The following FRAS1 variants were observed in gnomAD, a reference collection of about 807,000 sequenced individuals.
The protein encoded by FRAS1 is Fraser extracellular matrix complex subunit 1.
In FRAS1, 290 loss-of-function variants were observed where a neutral mutation model predicts 435.2. The ratio of observed to expected loss-of-function variants is 0.67; its 90% CI spans 0.61 to 0.73. The LOEUF is 0.73. Among genes scored for constraint, FRAS1 ranks in the 30% least tolerant of loss-of-function variants. The pLI, the probability that FRAS1 is intolerant of heterozygous loss-of-function variation, is 0.00. For synonymous variants in FRAS1, 1,800 were observed against 1,851.0 expected (o/e 0.97, Z 0.71); for missense variants, 4,860 against 5,001.5 (o/e 0.97, Z 0.85).
chr4:78,493,958 G>A (rs1720439724), intron 59 of FRAS1, among the ~76,000 whole-genome samples: 1 of 151,878 alleles, frequency 6.6e-6, no homozygotes, highest in African/African-American at 2.4e-5. Context: ...ATATCCCTTG[G>A]TTCAAGGCAC....
chr4:78,156,137 C>G (rs1370762229), intron 2 of FRAS1, among the ~76,000 whole-genome samples: 1 of 152,158 alleles, frequency 6.6e-6, no homozygotes, highest in Non-Finnish European at 1.5e-5. Flanking sequence ...TAATTGTCCA[C>G]TGACAGTATT....
intron 37 of FRAS1, among the ~76,000 whole-genome samples, chr4:78,431,306 A>G (rs2035511): frequency 0.76 from 114,961 of 152,118 alleles, 43,998 homozygotes; most frequent in African/African-American, 0.85. Flanking sequence ...CATTCCCAGG[A>G]GACTACTTTA....
At chr4:78,438,419 G>A in intron 38 of FRAS1, 151 bp from the exon 39 acceptor site, 2 of 754,834 alleles carry the variant, frequency 2.6e-6, no homozygotes, top group Admixed American at 6.6e-5. Context: ...TTTTATTGTA[G>A]TTTGAAATAC....
intron 32 of FRAS1, among the ~76,000 whole-genome samples, chr4:78,418,228 G>A (rs1342793331): frequency 2.0e-5 from 3 of 152,182 alleles, no homozygotes; most frequent in Non-Finnish European, 4.4e-5. Context: ...TGGAGAAAAA[G>A]GGAAATACTG....
intron 47 of FRAS1, among the ~76,000 whole-genome samples, chr4:78,458,491 T>C (rs750855865): frequency 1.7e-4 from 26 of 152,204 alleles, no homozygotes; most frequent in Non-Finnish European, 3.1e-4. Flanking sequence ...TGCTCACTTA[T>C]AAGTGAGAAC....
Position 78,374,052 on chromosome 4 carries a change from A to G in FRAS1, c.3011-59A>G, listed in dbSNP as rs1731616478. ...GACATCTCATGCTGCCTTTCCACAA[A>G]GGCCTGGAGCCCCTGGAAAGCCACA... On this transcript the variant is annotated intron_variant, in intron 24 of 73. Coordinates refer to ENST00000512123, the MANE Select transcript of FRAS1 (RefSeq NM_025074.7). The G allele has an allele frequency of 3.4e-6, 5 of 1,478,334 alleles. No homozygotes were observed. The South Asian group carries it at 7.5e-5, about 22-fold the overall frequency. The allele number at this position is 1,478,334 out of a possible 1,614,324, so 91.6% of individuals were successfully genotyped here.
At chr4:78,364,568 T>C (rs1731192900) in intron 22 of FRAS1, among the ~76,000 whole-genome samples, 1 of 152,216 alleles carries the variant, frequency 6.6e-6, no homozygotes, top group Admixed American at 6.5e-5. Flanking sequence ...TGGACTTGTA[T>C]GGGAGTTACT....
chr4:78,253,554 G>T (rs1317829541), intron 5 of FRAS1, among the ~76,000 whole-genome samples: 9 of 152,034 alleles, frequency 5.9e-5, no homozygotes, highest in Admixed American at 5.2e-4. Context: ...CTCCGTTTGG[G>T]GTCCCTGACT....
chr4:78,221,806 T>C (rs767832255), intron 2 of FRAS1, among the ~76,000 whole-genome samples: 8 of 152,150 alleles, frequency 5.3e-5, no homozygotes, highest in Non-Finnish European at 8.8e-5. Flanking sequence ...TTGGACAAGG[T>C]CACAACACCC....
At chr4:78,293,247 T>C (rs1727984095) in intron 14 of FRAS1, among the ~76,000 whole-genome samples, 1 of 152,228 alleles carries the variant, frequency 6.6e-6, no homozygotes, top group Non-Finnish European at 1.5e-5. Context: ...TGATAGGAAA[T>C]GATCAGTCAT....
intron 49 of FRAS1, among the ~76,000 whole-genome samples, 185 bp from the exon 50 acceptor site, chr4:78,466,023 G>T (rs751678286): frequency 2.6e-5 from 4 of 152,126 alleles, no homozygotes; most frequent in Non-Finnish European, 5.9e-5. Flanking sequence ...GAATATAAGC[G>T]CAATTGTAGC....
intron 42 of FRAS1, 83 bp from the exon 43 acceptor site, chr4:78,446,644 G>A: frequency 6.7e-7 from 1 of 1,499,502 alleles, no homozygotes; most frequent in Non-Finnish European, 8.8e-7. Flanking sequence ...CATTTCTGTA[G>A]CAATGATACT....
intron 2 of FRAS1, among the ~76,000 whole-genome samples, chr4:78,105,850 C>T (rs1171633721): frequency 2.1e-5 from 3 of 144,598 alleles, no homozygotes; most frequent in Non-Finnish European, 3.0e-5. Context: ...GTTCATCTCA[C>T]TAGGGAGTGC....
At chr4:78,163,195 T>C (rs897623623) in intron 2 of FRAS1, among the ~76,000 whole-genome samples, 9 of 152,234 alleles carry the variant, frequency 5.9e-5, no homozygotes, top group African/African-American at 1.9e-4. Flanking sequence ...CAAACTCTTA[T>C]AAAAAGCATT....
At chr4:78,357,882 C>T (rs1399401687) in intron 20 of FRAS1, among the ~76,000 whole-genome samples, 1 of 152,202 alleles carries the variant, frequency 6.6e-6, no homozygotes, top group Non-Finnish European at 1.5e-5. Context: ...GTGTGGGCAA[C>T]AGAGGGACAC....
chr4:78,114,777 G>T (rs574640691), intron 2 of FRAS1, among the ~76,000 whole-genome samples: 1 of 152,360 alleles, frequency 6.6e-6, no homozygotes, highest in South Asian at 2.1e-4. Context: ...TCTGCAAACA[G>T]GGACAATGTG....
intron 19 of FRAS1, among the ~76,000 whole-genome samples, chr4:78,335,059 T>G (rs1730118483): frequency 6.6e-6 from 1 of 152,126 alleles, no homozygotes; most frequent in Non-Finnish European, 1.5e-5. Flanking sequence ...TGTATCTGGC[T>G]CCATTTCTTT....
intron 14 of FRAS1, among the ~76,000 whole-genome samples, chr4:78,299,316 C>T (rs961648557): frequency 2.8e-4 from 43 of 152,018 alleles, no homozygotes; most frequent in Non-Finnish European, 4.7e-4. Context: ...TTGGTAACAC[C>T]GAGGGTGTAG....
intron 70 of FRAS1, among the ~76,000 whole-genome samples, chr4:78,533,758 G>A (rs1721798013): frequency 6.6e-6 from 1 of 152,196 alleles, no homozygotes; most frequent in South Asian, 2.1e-4. Context: ...CAGCCATGTA[G>A]AGCTACCATT....
Sources: gnomAD v4.1 joint callset for allele counts (sites outside exome capture counted in the v4.1 genomes callset) on GRCh38, gnomAD v4.1.1 for gene constraint, MANE v1.5 for transcripts, NCBI Gene and HGNC (gene_info 2026-07-23, HGNC 2026-07-21) for gene names.